The following FOXN3 variants were observed in gnomAD, a reference collection of about 807,000 sequenced individuals.
FOXN3 encodes forkhead box protein N3.
A neutral mutation model predicts 38.4 loss-of-function variants in FOXN3; 7 were observed. The observed-to-expected ratio is 0.18, with a 90% CI of 0.10 to 0.34. The LOEUF is 0.34. FOXN3 is among the 10% of genes least tolerant of loss of function. The pLI is 1.00. For synonymous variants in FOXN3, 230 were observed against 242.2 expected, an observed-to-expected ratio of 0.95 and a Z score of 0.47; for missense variants, 456 against 613.4, an observed-to-expected ratio of 0.74 and a Z score of 2.71.
Position 89,157,581 on chromosome 14 carries a change from T to C in FOXN3, c.*4833A>G, listed in dbSNP as rs902698366. 1.3e-5 allele frequency: 2 copies of C among 152,648 alleles called. No homozygotes were observed. The highest frequency in any genetic ancestry group is 2.4e-5 in the African/African-American group (1 of 41,446). 9.5% of individuals were successfully genotyped at this position (152,648 alleles called of 1,614,324 possible). On this transcript the variant is annotated 3_prime_UTR_variant, in exon 6 of 6. Transcript: ENST00000557258. ...AAACAGGAACACCACACAATGTATATACTTTGATTTACACATTCCGTTACA... is the reference window on the plus strand; with the variant it reads ...AAACAGGAACACCACACAATGTATACACTTTGATTTACACATTCCGTTACA...
At chr14:89,348,774 T>G (rs1888854943) in intron 3 of FOXN3, among the ~76,000 whole-genome samples, 2 of 152,164 alleles carry the variant, frequency 1.3e-5, no homozygotes, top group Admixed American at 1.3e-4. Context: ...TGCATTTTTA[T>G]GTCTATATTA....
chr14:89,336,684 C>T (rs1596193632), intron 3 of FOXN3, among the ~76,000 whole-genome samples: 1 of 152,098 alleles, frequency 6.6e-6, no homozygotes, highest in East Asian at 1.9e-4. Flanking sequence ...TGGTTTTCTG[C>T]CTCTCAATCA....
intron 4 of FOXN3, among the ~76,000 whole-genome samples, chr14:89,214,014 C>A (rs549562732): frequency 2.0e-5 from 3 of 152,060 alleles, no homozygotes; most frequent in Non-Finnish European, 4.4e-5. Context: ...TCTCTTGGGG[C>A]AATATGCAAA....
chr14:89,568,871 T>C (rs901578048), intron 1 of FOXN3, among the ~76,000 whole-genome samples: 1 of 152,248 alleles, frequency 6.6e-6, no homozygotes, highest in African/African-American at 2.4e-5. Flanking sequence ...GGTTTGGCCC[T>C]TTCTTAGATA....
chr14:89,527,855 C>T (rs1185317829), intron 1 of FOXN3, among the ~76,000 whole-genome samples: 1 of 152,062 alleles, frequency 6.6e-6, no homozygotes, highest in Non-Finnish European at 1.5e-5. Flanking sequence ...GTGTGCGCCA[C>T]CACATCTGGC....
upstream of FOXN3, chr14:89,419,525 C>T (rs901892207): frequency 5.0e-5 from 11 of 218,276 alleles, no homozygotes; most frequent in South Asian, 1.8e-4. Context: ...ATTTAACAGC[C>T]GAATTGTATA....
chr14:89,560,726 A>G (rs897335664), intron 1 of FOXN3, among the ~76,000 whole-genome samples: 7 of 152,256 alleles, frequency 4.6e-5, no homozygotes, highest in Non-Finnish European at 1.0e-4. Context: ...AAAGTAAAAG[A>G]AAATGTGTAC....
chr14:89,468,637 C>A (rs1288154042), intron 1 of FOXN3, among the ~76,000 whole-genome samples: 1 of 152,158 alleles, frequency 6.6e-6, no homozygotes, highest in Non-Finnish European at 1.5e-5. Flanking sequence ...ATGCAGACAG[C>A]ACTCAAATAT....
At chr14:89,440,699 G>A (rs530670729) in intron 1 of FOXN3, among the ~76,000 whole-genome samples, 14 of 151,928 alleles carry the variant, frequency 9.2e-5, no homozygotes, top group African/African-American at 1.2e-4. Context: ...ATCTCCCTTC[G>A]CTGACTCTTT....
At chr14:89,360,722 C>CACT (rs1257196844) in intron 2 of FOXN3, among the ~76,000 whole-genome samples, 1 of 135,422 alleles carries the variant, frequency 7.4e-6, no homozygotes, top group Non-Finnish European at 1.6e-5. Context: ...GCACTACCTC[C>CACT]ACCACCACCA....
intron 1 of FOXN3, among the ~76,000 whole-genome samples, chr14:89,602,628 C>G (rs908881723): frequency 1.3e-5 from 2 of 152,108 alleles, no homozygotes; most frequent in East Asian, 3.9e-4. Context: ...TCCCGAGTAG[C>G]TGGGATTATA....
chr14:89,411,092 G>A (rs368300298), intron 2 of FOXN3, among the ~76,000 whole-genome samples: 61 of 152,194 alleles, frequency 4.0e-4, no homozygotes, highest in East Asian at 2.3e-3. Flanking sequence ...TCAGATCAGC[G>A]GTGGCATTAG....
intron 1 of FOXN3, among the ~76,000 whole-genome samples, chr14:89,480,122 G>A (rs1180016458): frequency 3.9e-5 from 6 of 152,260 alleles, no homozygotes; most frequent in East Asian, 1.9e-4. Context: ...AAGCTTGGGC[G>A]TCTGAACACT....
At chr14:89,351,664 C>T (rs1162635236) in intron 2 of FOXN3, among the ~76,000 whole-genome samples, 1 of 152,240 alleles carries the variant, frequency 6.6e-6, no homozygotes, top group Non-Finnish European at 1.5e-5. Context: ...TGGCCGCACA[C>T]TTTCAAGTGA....
chr14:89,521,871 G>T (rs1053697860), intron 1 of FOXN3, among the ~76,000 whole-genome samples: 6 of 151,996 alleles, frequency 3.9e-5, no homozygotes, highest in Non-Finnish European at 8.8e-5. Context: ...AAACAAATTA[G>T]CTGGGCATGG....
intron 4 of FOXN3, among the ~76,000 whole-genome samples, chr14:89,188,286 C>T (rs951225894): frequency 7.9e-5 from 12 of 152,218 alleles, no homozygotes; most frequent in African/African-American, 2.2e-4. Flanking sequence ...AGAGGGGAGG[C>T]GAACACTGAA....
chr14:89,536,692 C>T (rs970681680), intron 1 of FOXN3, among the ~76,000 whole-genome samples: 9 of 151,966 alleles, frequency 5.9e-5, no homozygotes. Flanking sequence ...GCAGGAGAAT[C>T]GCTTGAACCT....
At chr14:89,279,316 A>T (rs1057269159) in intron 4 of FOXN3, among the ~76,000 whole-genome samples, 6 of 152,208 alleles carry the variant, frequency 3.9e-5, no homozygotes, top group African/African-American at 1.4e-4. Context: ...CCCGCAGGAT[A>T]ATCTCATACT....
chr14:89,452,697 C>A (rs1367772542), intron 1 of FOXN3, among the ~76,000 whole-genome samples: 1 of 152,290 alleles, frequency 6.6e-6, no homozygotes, highest in Non-Finnish European at 1.5e-5. Context: ...ACCCACCCAA[C>A]AGCCTAAGGA....
Sources: gnomAD v4.1 joint callset for allele counts (sites outside exome capture counted in the v4.1 genomes callset) on GRCh38, gnomAD v4.1.1 for gene constraint, MANE v1.5 for transcripts, NCBI Gene and HGNC (gene_info 2026-07-23, HGNC 2026-07-21) for gene names.